PARD3B: variants seen among roughly 807,000 people sequenced by gnomAD.
PARD3B encodes par-3 family cell polarity regulator beta.
PARD3B carries 103 observed loss-of-function variants against 130.2 expected under a neutral mutation model. That is an observed-to-expected ratio of 0.79 (90% CI 0.67 to 0.93). The LOEUF (loss-of-function observed/expected upper bound fraction) is 0.93. Among genes scored for constraint, PARD3B ranks in the 40% least tolerant of loss-of-function variants. The probability of loss-of-function intolerance (pLI) is 0.00; values close to 1 mark genes in which losing one functional copy is unlikely to be tolerated. For synonymous variants in PARD3B, 583 were observed against 553.2 expected (o/e 1.05, Z -0.76); for missense variants, 1,609 against 1,499.2 (o/e 1.07, Z -1.21).
rs796809733 is a variant in PARD3B, at chr2:204,700,273, G to A, written c.222+13991G>A. Among the ~76,000 whole-genome samples the A allele has an allele frequency of 4.6e-5, 7 of 152,016 alleles. No individual in the cohort carries two copies. In the South Asian group the frequency reaches 1.0e-3, roughly 23 times the overall value. ...CAATGTTTTCTTTTATTCAGCTATA[G>A]CATCTGATAGCCTCATGTTACTGAA... On this transcript the variant is annotated intron_variant, in intron 2 of 22. Coordinates refer to ENST00000406610, the MANE Select transcript of PARD3B (RefSeq NM_001302769.2).
At chr2:204,687,107 T>C (rs1002897459) in intron 2 of PARD3B, among the ~76,000 whole-genome samples, 1 of 152,158 alleles carries the variant, frequency 6.6e-6, no homozygotes, top group African/African-American at 2.4e-5. Flanking sequence ...ATTTTTTCCC[T>C]GTAATCTCAG....
At chr2:205,615,385 T>C in intron 22 of PARD3B, 71 bp from the exon 23 acceptor site, 1 of 1,342,764 alleles carries the variant, frequency 7.4e-7, no homozygotes, top group Non-Finnish European at 1.0e-6. Flanking sequence ...CACAGGAGGC[T>C]GAGGAACATG....
At chr2:205,485,364 C>T (rs1044511223) in intron 20 of PARD3B, among the ~76,000 whole-genome samples, 1 of 152,132 alleles carries the variant, frequency 6.6e-6, no homozygotes, top group African/African-American at 2.4e-5. Flanking sequence ...TTCAATGTCC[C>T]ATTTCCCCCA....
chr2:205,499,331 AC>A (rs1228822405), intron 20 of PARD3B, among the ~76,000 whole-genome samples: 2 of 147,692 alleles, frequency 1.4e-5, no homozygotes, highest in South Asian at 2.1e-4. Flanking sequence ...AAAAAAAAAA[AC>A]TTTCTTACTG....
chr2:205,070,180 A>C (rs542537799), intron 4 of PARD3B, among the ~76,000 whole-genome samples: 1 of 152,304 alleles, frequency 6.6e-6, no homozygotes, highest in African/African-American at 2.4e-5. Flanking sequence ...AAAGGACCCT[A>C]CTTGCAAGAC....
intron 20 of PARD3B, among the ~76,000 whole-genome samples, chr2:205,488,924 A>G (rs539451177): frequency 1.3e-5 from 2 of 152,302 alleles, no homozygotes; most frequent in African/African-American, 4.8e-5. Flanking sequence ...CCATGTTAGA[A>G]CAGCTATATC....
chr2:204,586,657 G>A (rs1250260380), intron 1 of PARD3B, among the ~76,000 whole-genome samples: 2 of 151,842 alleles, frequency 1.3e-5, no homozygotes, highest in African/African-American at 4.8e-5. Flanking sequence ...TCGAATTTAT[G>A]ACTTCCATAA....
intron 1 of PARD3B, among the ~76,000 whole-genome samples, chr2:204,641,771 T>A (rs1574602837): frequency 6.6e-6 from 1 of 152,186 alleles, no homozygotes; most frequent in East Asian, 1.9e-4. Flanking sequence ...TGAAAATAAG[T>A]GTGCTTAGTA....
chr2:204,814,359 T>C (rs1037615669), intron 2 of PARD3B, among the ~76,000 whole-genome samples: 1 of 151,758 alleles, frequency 6.6e-6, no homozygotes, highest in Non-Finnish European at 1.5e-5. Flanking sequence ...ATATATCATG[T>C]ACAATTATAT....
intron 1 of PARD3B, among the ~76,000 whole-genome samples, chr2:204,614,596 C>T (rs112411356): frequency 2.0e-5 from 3 of 152,262 alleles, no homozygotes; most frequent in Non-Finnish European, 4.4e-5. Flanking sequence ...TGTCCCCACC[C>T]AAATTTTATG....
At chr2:204,896,655 T>C (rs906243524) in intron 2 of PARD3B, among the ~76,000 whole-genome samples, 13 of 152,338 alleles carry the variant, frequency 8.5e-5, no homozygotes, top group African/African-American at 3.1e-4. Context: ...GTATTGCTTT[T>C]TATTATCAGT....
At chr2:204,601,636 G>A (rs1179061713) in intron 1 of PARD3B, among the ~76,000 whole-genome samples, 1 of 150,802 alleles carries the variant, frequency 6.6e-6, no homozygotes, top group African/African-American at 2.4e-5. Flanking sequence ...AACAATCAAT[G>A]TAGAGCTTAA....
At chr2:205,240,456 G>A (rs1366551136) in intron 15 of PARD3B, among the ~76,000 whole-genome samples, 1 of 152,096 alleles carries the variant, frequency 6.6e-6, no homozygotes, top group Non-Finnish European at 1.5e-5. Flanking sequence ...TAAATGAAAT[G>A]GAGTTATCTA....
chr2:204,593,514 T>G (rs756265977), intron 1 of PARD3B, among the ~76,000 whole-genome samples: 2 of 152,216 alleles, frequency 1.3e-5, no homozygotes, highest in Non-Finnish European at 2.9e-5. Context: ...TCGAATAGTT[T>G]GCAGGCTCTC....
At chr2:204,596,493 C>T (rs191756008) in intron 1 of PARD3B, among the ~76,000 whole-genome samples, 1 of 152,186 alleles carries the variant, frequency 6.6e-6, no homozygotes, top group Admixed American at 6.5e-5. Flanking sequence ...AAGGGTGAAT[C>T]CTGCTGCTCT....
chr2:205,120,112 A>G (rs1268591058), intron 7 of PARD3B, among the ~76,000 whole-genome samples: 1 of 152,218 alleles, frequency 6.6e-6, no homozygotes, highest in Non-Finnish European at 1.5e-5. Flanking sequence ...GCTGCTAAGT[A>G]TGAAAAGAAA....
chr2:204,773,545 A>T, intron 2 of PARD3B, among the ~76,000 whole-genome samples: 1 of 152,260 alleles, frequency 6.6e-6, no homozygotes, highest in East Asian at 1.9e-4. Context: ...CTGTAATTTT[A>T]TGGAGGAACT....
chr2:205,538,780 T>C (rs2051987084), intron 21 of PARD3B, among the ~76,000 whole-genome samples: 1 of 152,204 alleles, frequency 6.6e-6, no homozygotes, highest in South Asian at 2.1e-4. Flanking sequence ...CCAAGTGTTT[T>C]TGTTTTTTTA....
At chr2:205,416,273 T>C (rs1022666455) in intron 19 of PARD3B, among the ~76,000 whole-genome samples, 1 of 152,140 alleles carries the variant, frequency 6.6e-6, no homozygotes, top group Non-Finnish European at 1.5e-5. Flanking sequence ...AGATAATATG[T>C]ATATAGGCTT....
Sources: allele counts gnomAD v4.1 joint callset (sites outside exome capture counted in the v4.1 genomes callset), GRCh38; gene constraint gnomAD v4.1.1; transcripts MANE v1.5; gene names NCBI Gene and HGNC (gene_info 2026-07-23, HGNC 2026-07-21).